CARM1: variants seen among roughly 807,000 people sequenced by gnomAD.
CARM1 encodes histone-arginine methyltransferase CARM1.
CARM1 carries 14 observed loss-of-function variants against 72.7 expected under a neutral mutation model. The observed-to-expected ratio is 0.19, with a 90% CI of 0.13 to 0.30. The LOEUF (loss-of-function observed/expected upper bound fraction) is 0.30, where lower values mean the gene tolerates loss of function less well. Among genes scored for constraint, CARM1 ranks in the 10% least tolerant of loss-of-function variants. The pLI is 1.00. For synonymous variants in CARM1, 333 were observed against 345.5 expected (o/e 0.96, Z 0.40); for missense variants, 432 against 833.7 (o/e 0.52, Z 5.93).
At chr19:10,893,489 C>A (rs2074003004) in intron 1 of CARM1, among the ~76,000 whole-genome samples, 1 of 152,160 alleles carries the variant, frequency 6.6e-6, no homozygotes, top group Admixed American at 6.5e-5. Flanking sequence ...CAGGCACCCG[C>A]TACCACGCCC....
intron 1 of CARM1, among the ~76,000 whole-genome samples, chr19:10,886,476 G>GT (rs927806730): frequency 1.3e-5 from 2 of 151,746 alleles, no homozygotes; most frequent in Non-Finnish European, 2.9e-5. Context: ...GATTACAGGC[G>GT]TGAGTCACCA....
intron 1 of CARM1, among the ~76,000 whole-genome samples, chr19:10,879,544 T>C (rs1395468984): frequency 5.3e-5 from 8 of 152,092 alleles, no homozygotes; most frequent in African/African-American, 1.9e-4. Flanking sequence ...CCACCTGGCT[T>C]GGAGCACAGG....
intron 1 of CARM1, among the ~76,000 whole-genome samples, chr19:10,872,306 C>A (rs1377855713): frequency 1.3e-5 from 1 of 75,540 alleles, no homozygotes; most frequent in African/African-American, 5.2e-5. Context: ...GTGGGCGTCT[C>A]GGGGGCGGGC....
rs2074271663 is a variant in CARM1, at chr19:10,922,462, T to TTCCCC, written c.*705_*706insTCCCC. ...TGTCCTGTCCCCGAGCCCCTGCAGG[T>TTCCCC]CCCCCCCCGCCCCCCCACTCAAGAG... On this transcript the variant is annotated 3_prime_UTR_variant, in exon 16 of 16. Coordinates refer to ENST00000327064, the MANE Select transcript of CARM1 (RefSeq NM_199141.2). 1 of 127,004 alleles carries TTCCCC rather than the reference T, an allele frequency of 7.9e-6. No individual in the cohort carries two copies. Among genetic ancestry groups the TTCCCC allele is most frequent in the Non-Finnish European group, 1.7e-5 (1 of 60,150 alleles). The allele number at this position is 127,004 out of a possible 1,614,324, so 7.9% of individuals were successfully genotyped here.
intron 1 of CARM1, among the ~76,000 whole-genome samples, chr19:10,890,795 ATTTT>A (rs67421012): frequency 5.9e-4 from 28 of 47,450 alleles, no homozygotes; most frequent in Middle Eastern, 0.013. Flanking sequence ...ATATATATAT[ATTTT>A]TTTTTTTTTT....
chr19:10,894,718 T>TG (rs1253124365), intron 1 of CARM1, among the ~76,000 whole-genome samples: 2 of 98,596 alleles, frequency 2.0e-5, no homozygotes, highest in Non-Finnish European at 5.5e-5. Flanking sequence ...CTCCTTGTGT[T>TG]TTTTTTTTTT....
At chr19:10,874,155 C>G (rs1194997470) in intron 1 of CARM1, among the ~76,000 whole-genome samples, 1 of 152,074 alleles carries the variant, frequency 6.6e-6, no homozygotes, top group East Asian at 1.9e-4. Flanking sequence ...CACTATGTCA[C>G]TGTGTTGCCC....
At chr19:10,904,439 C>T (rs1439237361) in intron 1 of CARM1, among the ~76,000 whole-genome samples, 1 of 152,194 alleles carries the variant, frequency 6.6e-6, no homozygotes, top group Non-Finnish European at 1.5e-5. Flanking sequence ...TTCACTAGAC[C>T]ACTGCCCCGC....
At position 10,912,819 on chromosome 19, in the gene CARM1, C is replaced by T. The variant is rs1029533796; in HGVS notation, c.669+525C>T. On this transcript the variant is annotated intron_variant, in intron 5 of 15. Coordinates refer to ENST00000327064, the MANE Select transcript of CARM1 (RefSeq NM_199141.2). This position sits in a 1 kb window ranked among gnomAD's most constrained non-coding sequence, Gnocchi z 4.5. ...AGAGCACCCCTGTGCCCAGCCGTGC[C>T]GCTGTTGCTTTAGCTGCATTGTGTC... Among the ~76,000 whole-genome samples the T allele has an allele frequency of 1.1e-4, 16 of 152,182 alleles. No individual in the cohort carries two copies. The highest frequency in any genetic ancestry group is 2.4e-5 in the African/African-American group (1 of 41,456).
chr19:10,890,511 A>G (rs553190753), intron 1 of CARM1, among the ~76,000 whole-genome samples: 161 of 150,448 alleles, frequency 1.1e-3, no homozygotes, highest in East Asian at 3.7e-3. Context: ...CGGGTGATCC[A>G]CCTGCCTCGG....
intron 1 of CARM1, among the ~76,000 whole-genome samples, chr19:10,877,179 G>C (rs1195173856): frequency 6.6e-6 from 1 of 152,098 alleles, no homozygotes; most frequent in East Asian, 1.9e-4. Flanking sequence ...CCATCTTTAG[G>C]ACATCTCGGT....
chr19:10,891,807 C>G (rs190405233), intron 1 of CARM1, among the ~76,000 whole-genome samples: 1 of 152,236 alleles, frequency 6.6e-6, no homozygotes, highest in African/African-American at 2.4e-5. Flanking sequence ...CCGCACTGCC[C>G]GTGACCTGTG....
chr19:10,901,719 A>G (rs1162030578), intron 1 of CARM1, among the ~76,000 whole-genome samples: 1 of 152,198 alleles, frequency 6.6e-6, no homozygotes, highest in Non-Finnish European at 1.5e-5. Flanking sequence ...AGGCGGACAG[A>G]TCACACGAGG....
rs1273009590 is a variant in CARM1, at chr19:10,921,266, G to A, written c.1616-109G>A. ...CTCTTCCTGGGGGCTCTCGGCCGAG[G>A]CTCTCCGTCCTCTCTGCCTCGCTCT... On this transcript the variant is annotated intron_variant, in intron 14 of 15. Coordinates refer to ENST00000327064, the MANE Select transcript of CARM1 (RefSeq NM_199141.2). The A allele has an allele frequency of 2.7e-6, 4 of 1,470,326 alleles. No individual in the cohort carries two copies. The African/African-American group carries it at 5.6e-5, about 21-fold the overall frequency. 91.1% of individuals were successfully genotyped at this position (1,470,326 alleles called of 1,614,324 possible).
intron 1 of CARM1, among the ~76,000 whole-genome samples, chr19:10,901,506 A>G (rs2074065322): frequency 1.3e-5 from 2 of 151,006 alleles, no homozygotes; most frequent in Admixed American, 6.6e-5. Flanking sequence ...TTTTGTAGCG[A>G]TAGAGATGGG....
intron 1 of CARM1, among the ~76,000 whole-genome samples, chr19:10,903,797 C>T (rs2074083453): frequency 6.6e-6 from 1 of 152,104 alleles, no homozygotes; most frequent in Non-Finnish European, 1.5e-5. Flanking sequence ...TGCAGTGGCA[C>T]AGTCATGACT....
At chr19:10,910,439 C>T (rs879863090) in intron 4 of CARM1, among the ~76,000 whole-genome samples, 1 of 150,236 alleles carries the variant, frequency 6.7e-6, no homozygotes, top group African/African-American at 2.4e-5. Context: ...CGAGATTGTG[C>T]CACTGCACTC....
chr19:10,905,475 TAACC>T (rs1255845973), intron 2 of CARM1, among the ~76,000 whole-genome samples: 1 of 152,094 alleles, frequency 6.6e-6, no homozygotes, highest in Non-Finnish European at 1.5e-5. Flanking sequence ...CAGAAGGGCT[TAACC>T]AACCCACCTT....
chr19:10,889,930 C>A (rs577046238), intron 1 of CARM1, among the ~76,000 whole-genome samples: 3 of 152,150 alleles, frequency 2.0e-5, no homozygotes, highest in Admixed American at 2.0e-4. Context: ...CTCTGGTGGT[C>A]GGCTTTTGGA....
Sources: allele counts gnomAD v4.1 joint callset (sites outside exome capture counted in the v4.1 genomes callset), GRCh38; gene constraint gnomAD v4.1.1; non-coding constraint Gnocchi (gnomAD v3.1); transcripts MANE v1.5; gene names NCBI Gene and HGNC (gene_info 2026-07-23, HGNC 2026-07-21).